TRPC3: variants seen among roughly 807,000 people sequenced by gnomAD.
The protein encoded by TRPC3 is transient receptor potential cation channel subfamily C member 3, also known as short transient receptor potential channel 3.
A neutral mutation model predicts 90.9 loss-of-function variants in TRPC3; 54 were observed. The ratio of observed to expected loss-of-function variants is 0.59; its 90% CI spans 0.48 to 0.75. The LOEUF is 0.75. Ranked by LOEUF, TRPC3 falls within the 30% of genes least tolerant of loss-of-function variation. The probability of loss-of-function intolerance (pLI) is 0.00; values close to 1 mark genes in which losing one functional copy is unlikely to be tolerated. For missense variants in TRPC3, 918 were observed against 1,194.5 expected (o/e 0.77, Z 3.41); for synonymous variants, 424 against 450.9 (o/e 0.94, Z 0.75).
intron 8 of TRPC3, among the ~76,000 whole-genome samples, chr4:121,903,877 G>C (rs1056047227): frequency 6.6e-6 from 1 of 152,142 alleles, no homozygotes; most frequent in African/African-American, 2.4e-5. Flanking sequence ...AGTGAAGAGA[G>C]GTACCAAACC....
chr4:121,877,138 T>TCTGACAGCAATCCCCTCGACTAATC lies in TRPC3; in HGVS notation c.*2573_*2597dup, dbSNP rs1220644669. Among the ~76,000 whole-genome samples, 2 of 152,172 alleles carry TCTGACAGCAATCCCCTCGACTAATC rather than the reference T, an allele frequency of 1.3e-5. No homozygotes were observed. Among genetic ancestry groups the TCTGACAGCAATCCCCTCGACTAATC allele is most frequent in the African/African-American group, 4.8e-5 (2 of 41,438 alleles). On this transcript the variant is annotated 3_prime_UTR_variant, in exon 12 of 12. Coordinates refer to ENST00000379645, the MANE Select transcript of TRPC3 (RefSeq NM_001130698.2). Reference sequence around the variant, plus strand: ...CTTTATCCTCAAGTGAAGGACTAATTCTGACAGCAATCCCCTCGACTAATC... The same window carrying TCTGACAGCAATCCCCTCGACTAATC: ...CTTTATCCTCAAGTGAAGGACTAATTCTGACAGCAATCCCCTCGACTAATCCTGACAGCAATCCCCTCGACTAATC...
chr4:121,934,139 CA>C (rs1730051236), intron 1 of TRPC3, among the ~76,000 whole-genome samples: 1 of 152,128 alleles, frequency 6.6e-6, no homozygotes, highest in South Asian at 2.1e-4. Flanking sequence ...TTGATGTGTA[CA>C]GTGATTTGAG....
intron 7 of TRPC3, among the ~76,000 whole-genome samples, chr4:121,905,844 ACT>A (rs1430921453): frequency 2.0e-5 from 3 of 152,074 alleles, no homozygotes; most frequent in Non-Finnish European, 2.9e-5. Context: ...CTATAGAGTT[ACT>A]CTCTATTACA....
In TRPC3 at chr4:121,932,750, C is replaced by T; in HGVS notation, c.508G>A (p.Glu170Lys). 1.2e-6 allele frequency: 2 copies of T among 1,613,848 alleles called. No homozygotes were observed. The highest frequency in any genetic ancestry group is 1.1e-5 in the South Asian group (1 of 91,046). Residue 170 changes from glutamate to lysine, a missense_variant, in exon 2 of 12, where the codon GAG becomes AAG. Coordinates refer to ENST00000379645, the MANE Select transcript of TRPC3 (RefSeq NM_001130698.2). The surrounding 1 kb of genome is among the most constrained non-coding windows in gnomAD (Gnocchi z 7.7). The part of the protein sequence containing the change: ...LEVTELLLKK[E>K]NLARIGDALL... ...GCGTCGCCAATGCGCGCCAGGTTCT[C>T]CTTCTTGAGCAGCAGCTCGGTCACC...
Position 121,899,691 on chromosome 4 carries a change from T to G in TRPC3, c.2468A>C (p.Asn823Thr), listed in dbSNP as rs777360921. 3 of 1,611,064 alleles carry G rather than the reference T, an allele frequency of 1.9e-6. No individual in the cohort carries two copies. The highest frequency in any genetic ancestry group is 1.7e-4 in the Middle Eastern group (1 of 6,050). The change falls in exon 10 of 12, where the codon AAC becomes ACC. Residue 823 changes from asparagine (N) to threonine (T), a missense_variant. Asn to Thr is a moderately conservative substitution (Grantham distance 65). This residue lies in a region of TRPC3 where 121 missense variants were observed against 135.7 expected (regional missense o/e 0.89). Coordinates refer to ENST00000379645, the MANE Select transcript of TRPC3 (RefSeq NM_001130698.2). ...TCTTGAGTTAGACTGAGTGAAGAGG[T>G]TTAACTAGGAAAAAATACAATTAAC... The part of the protein sequence containing the change: ...MGMGNSKSRL[N>T]LFTQSNSRVF...
intron 2 of TRPC3, chr4:121,930,778 C>A (rs1338622220): frequency 3.7e-5 from 13 of 352,318 alleles, no homozygotes; most frequent in Non-Finnish European, 5.8e-5. Context: ...TACCTAAATG[C>A]TTTTCTACTG....
chr4:121,921,918 TG>T (rs1249434223), intron 3 of TRPC3, among the ~76,000 whole-genome samples: 39 of 115,930 alleles, frequency 3.4e-4, no homozygotes, highest in African/African-American at 1.1e-3. Flanking sequence ...GGTTTTTTTT[TG>T]TTTTTTTTTT....
At chr4:121,906,931 T>C (rs184936527) in intron 7 of TRPC3, among the ~76,000 whole-genome samples, 1 of 152,232 alleles carries the variant, frequency 6.6e-6, no homozygotes, top group African/African-American at 2.4e-5. Context: ...GATCAATGAA[T>C]ATATTAAAAT....
rs1230165102 is a variant in TRPC3 at position 121,943,183 on chromosome 4, T to TC, written c.215+8282_215+8283insG. ...CACTGAAGACCTAAGGAACAGATAA[T>TC]TTTCCCCCCCTAGATTACAGAATAC... On this transcript the variant is annotated intron_variant, in intron 1 of 11. Coordinates refer to ENST00000379645, the MANE Select transcript of TRPC3 (RefSeq NM_001130698.2). Among the ~76,000 whole-genome samples, 8 of 109,948 alleles carry TC rather than the reference T, an allele frequency of 7.3e-5. No homozygotes were observed. The East Asian group carries it at 2.1e-3, about 29-fold the overall frequency. The allele number at this position is 109,948 out of a possible 152,430, so 72.1% of individuals were successfully genotyped here. A position where few individuals can be genotyped will look rare whatever the true frequency, so the allele number is the denominator to read the frequency against.
In TRPC3 at chr4:121,914,855, C is replaced by G; in HGVS notation, c.1266G>C (p.Lys422Asn). The change falls in exon 4 of 12, where the codon AAG becomes AAC. Residue 422 changes from lysine (K) to asparagine (N), a missense_variant. By Grantham distance (94) the Lys-to-Asn change is moderately conservative. Coordinates refer to ENST00000379645, the MANE Select transcript of TRPC3 (RefSeq NM_001130698.2). ...GGGCCACGACCAGCACAACGAGACA[C>G]TTGATAGCTATGGTCTGCTCCCTTA... ...SGLREQTIAI[K>N]CLVVLVVALG... 6.2e-7 allele frequency: 1 copy of G among 1,613,952 alleles called. No individual in the cohort carries two copies. The highest frequency in any genetic ancestry group is 1.1e-5 in the South Asian group (1 of 91,050).
In TRPC3 at chr4:121,917,817, G is replaced by A. The variant is rs147819429; in HGVS notation, c.1177-2873C>T. Among the ~76,000 whole-genome samples the A allele has an allele frequency of 5.9e-5, 9 of 152,266 alleles. No individual in the cohort carries two copies. In the East Asian group the frequency reaches 7.7e-4, roughly 13 times the overall value. On this transcript the variant is annotated intron_variant, in intron 3 of 11. Transcript: ENST00000379645. ...GGTGCATTCAGGGTAAACTACAGGT[G>A]GAGCATATAATGTCATTAAATCAGA...
chr4:121,935,464 C>G (rs148152401), intron 1 of TRPC3, among the ~76,000 whole-genome samples: 2 of 150,022 alleles, frequency 1.3e-5, no homozygotes, highest in Non-Finnish European at 3.0e-5. Context: ...ATAATAATGA[C>G]TTTTAGGTGG....
In TRPC3 at chr4:121,932,991, C is replaced by T. The variant is rs753052557; in HGVS notation, c.267G>A (p.Lys89=). 9.9e-6 allele frequency: 16 copies of T among 1,608,372 alleles called. No homozygotes were observed. The highest frequency in any genetic ancestry group is 3.4e-5 in the Admixed American group (2 of 59,590). ...GGCCCCTGACAGCCTGGCGCCGGCC[C>T]TTCTCCCGCATCACTGTCATGCGTC... ...SLRRMTVMRE[K]GRRQAVRGPA... The change falls in exon 2 of 12, where the codon AAG becomes AAA. Residue 89 remains lysine (K), a synonymous_variant. Coordinates refer to ENST00000379645, the MANE Select transcript of TRPC3 (RefSeq NM_001130698.2). The surrounding 1 kb of genome is among the most constrained non-coding windows in gnomAD (Gnocchi z 7.7).
chr4:121,931,738 G>T (rs945364037), intron 2 of TRPC3, among the ~76,000 whole-genome samples: 6 of 152,136 alleles, frequency 3.9e-5, no homozygotes, highest in African/African-American at 1.4e-4. Flanking sequence ...ATTCTAAAGG[G>T]ATACACAAAT....
chr4:121,925,303 G>GT lies in TRPC3; in HGVS notation c.988-98_988-97insA, dbSNP rs1729664340. 2.2e-6 allele frequency: 3 copies of GT among 1,336,838 alleles called. No homozygotes were observed. In the African/African-American group the frequency reaches 4.5e-5, roughly 20 times the overall value. The allele number at this position is 1,336,838 out of a possible 1,614,324, so 82.8% of individuals were successfully genotyped here. On this transcript the variant is annotated intron_variant, in intron 2 of 11. Coordinates refer to ENST00000379645, the MANE Select transcript of TRPC3 (RefSeq NM_001130698.2). Reference sequence around the variant, plus strand: ...TAGAAAAAGGTATCCCTTCTTTTGGGGGTAGAAAGCTGCAGCCCACCTGGA... The same window carrying GT: ...TAGAAAAAGGTATCCCTTCTTTTGGGTGGTAGAAAGCTGCAGCCCACCTGGA...
At chr4:121,901,183 G>A (rs1728687142) in intron 9 of TRPC3, among the ~76,000 whole-genome samples, 2 of 152,142 alleles carry the variant, frequency 1.3e-5, no homozygotes, top group African/African-American at 2.4e-5. Flanking sequence ...ACACTTGAGA[G>A]ACTTTCTTTT....
rs766450244 is a variant in TRPC3 at position 121,904,511 on chromosome 4, T to C, written c.2064A>G (p.Glu688=). 3.2e-6 allele frequency: 5 copies of C among 1,545,286 alleles called. No homozygotes were observed. The highest frequency in any genetic ancestry group is 4.5e-5 in the Admixed American group (2 of 44,224). ...ACCAAAATAAAGTCTTGAAACTTTCTTCTACACTGTTGAAAAAATAAGATA... is the reference window on the plus strand; with the variant it reads ...ACCAAAATAAAGTCTTGAAACTTTCCTCTACACTGTTGAAAAAATAAGATA... ...AKVNAAFTTV[E]ESFKTLFWSI... The change falls in exon 8 of 12, where the codon GAA becomes GAG. Residue 688 remains glutamate, a synonymous_variant. Coordinates refer to ENST00000379645, the MANE Select transcript of TRPC3 (RefSeq NM_001130698.2).
intron 3 of TRPC3, among the ~76,000 whole-genome samples, chr4:121,922,584 T>C (rs959536197): frequency 2.0e-5 from 3 of 152,330 alleles, no homozygotes; most frequent in East Asian, 1.9e-4. Flanking sequence ...CAGGAAGACA[T>C]AAACTCTGCA....
intron 10 of TRPC3, among the ~76,000 whole-genome samples, chr4:121,884,964 G>T (rs1269064176): frequency 6.6e-6 from 1 of 152,166 alleles, no homozygotes; most frequent in Non-Finnish European, 1.5e-5. Context: ...AAATTTAGGG[G>T]ACAGTGAAGA....
Sources: gnomAD v4.1 joint callset for allele counts (sites outside exome capture counted in the v4.1 genomes callset) on GRCh38, gnomAD v4.1.1 for gene constraint, gnomAD v4.1.1 regional missense constraint, Gnocchi (gnomAD v3.1) non-coding constraint, MANE v1.5 for transcripts, NCBI Gene and HGNC (gene_info 2026-07-23, HGNC 2026-07-21) for gene names.